FER: variants seen among roughly 807,000 people sequenced by gnomAD.
FER encodes the protein FER tyrosine kinase.
Under a neutral mutation model 111.0 loss-of-function variants are expected in FER, and 63 were observed. The observed-to-expected ratio is 0.57, with a 90% CI of 0.46 to 0.70. FER has a LOEUF of 0.70. Ranked by LOEUF, FER falls within the 30% of genes least tolerant of loss-of-function variation. The pLI is 0.00. For synonymous variants in FER, 327 were observed against 313.9 expected, an observed-to-expected ratio of 1.04 and a Z score of -0.44; for missense variants, 914 against 954.0, an observed-to-expected ratio of 0.96 and a Z score of 0.55.
At chr5:108,798,074 A>T in intron 2 of FER, 50 bp from the exon 3 acceptor site, 1 of 653,852 alleles carries the variant, frequency 1.5e-6, no homozygotes, top group Non-Finnish European at 2.4e-6. Context: ...TTTTTTGAAG[A>T]CTAATTTCCT....
chr5:108,823,695 T>C (rs949462671), intron 3 of FER, among the ~76,000 whole-genome samples: 2 of 152,192 alleles, frequency 1.3e-5, no homozygotes, highest in Non-Finnish European at 2.9e-5. Context: ...TTATTAGATA[T>C]ATAATTTGCA....
intron 16 of FER, among the ~76,000 whole-genome samples, chr5:109,080,050 C>A (rs1218027196): frequency 6.6e-6 from 1 of 151,812 alleles, no homozygotes; most frequent in Non-Finnish European, 1.5e-5. Context: ...CATTTTTCCT[C>A]CCATGGTTAA....
At chr5:109,185,996 A>T (rs1006418155) in intron 18 of FER, among the ~76,000 whole-genome samples, 1 of 152,196 alleles carries the variant, frequency 6.6e-6, no homozygotes, top group African/African-American at 2.4e-5. Flanking sequence ...AATGTGTTAT[A>T]CTATGACATT....
intron 10 of FER, among the ~76,000 whole-genome samples, chr5:108,922,598 T>C (rs910471105): frequency 1.3e-5 from 2 of 152,196 alleles, no homozygotes; most frequent in African/African-American, 4.8e-5. Flanking sequence ...GCCTGGCACC[T>C]AATTAATGCT....
At chr5:109,065,922 T>C (rs1434722257) in intron 16 of FER, among the ~76,000 whole-genome samples, 1 of 152,146 alleles carries the variant, frequency 6.6e-6, no homozygotes, top group Non-Finnish European at 1.5e-5. Flanking sequence ...AAAGAGTAAA[T>C]TTGCCTAAAT....
intron 17 of FER, among the ~76,000 whole-genome samples, chr5:109,171,754 A>T (rs1757112284): frequency 6.6e-6 from 1 of 152,202 alleles, no homozygotes; most frequent in Admixed American, 6.6e-5. Flanking sequence ...TGCCATCAAT[A>T]CTGAGACTAA....
At position 108,884,570 on chromosome 5, in the gene FER, T is replaced by G. The variant is rs1038380326; in HGVS notation, c.1046+1052T>G. On this transcript the variant is annotated intron_variant, in intron 9 of 19. Transcript: ENST00000281092. ...TTTCTCGTCTCTACTTTCTCAGATT[T>G]TACATAATTTATGTATTATGTTCAC... 2.0e-5 allele frequency among the ~76,000 whole-genome samples: 3 copies of G among 151,684 alleles called. No homozygotes were observed. The Admixed American group carries it at 2.0e-4, about 10-fold the overall frequency.
At chr5:109,102,451 A>G (rs1190132857) in intron 17 of FER, among the ~76,000 whole-genome samples, 1 of 152,150 alleles carries the variant, frequency 6.6e-6, no homozygotes, top group Non-Finnish European at 1.5e-5. Context: ...AATTCTAGGA[A>G]CAGCCATAAA....
intron 5 of FER, among the ~76,000 whole-genome samples, chr5:108,845,274 C>T (rs1314174195): frequency 6.0e-5 from 9 of 150,968 alleles, no homozygotes; most frequent in East Asian, 2.0e-4. Flanking sequence ...CAGGTTCAGG[C>T]GATTCTCCTG....
chr5:108,814,671 C>T (rs1007693293), intron 3 of FER, among the ~76,000 whole-genome samples: 2 of 152,140 alleles, frequency 1.3e-5, no homozygotes, highest in Non-Finnish European at 2.9e-5. Context: ...TCAATCTGTT[C>T]CCTTAACCAT....
Position 109,115,279 on chromosome 5 carries a change from A to T in FER, c.2048+14760A>T, listed in dbSNP as rs2126443577. On this transcript the variant is annotated intron_variant, in intron 17 of 19. Coordinates refer to ENST00000281092, the MANE Select transcript of FER (RefSeq NM_005246.4). Reference sequence around the variant, plus strand: ...ACTATAGTAGTGATAGGAAAAAGATATAAAATTAAAGACTATTTAGGAAGT... The same window carrying T: ...ACTATAGTAGTGATAGGAAAAAGATTTAAAATTAAAGACTATTTAGGAAGT... 2.0e-5 allele frequency among the ~76,000 whole-genome samples: 3 copies of T among 152,246 alleles called. No homozygotes were observed. In the South Asian group the frequency reaches 6.2e-4, roughly 32 times the overall value.
chr5:109,083,486 C>T (rs894789788), intron 16 of FER, among the ~76,000 whole-genome samples: 1 of 151,938 alleles, frequency 6.6e-6, no homozygotes, highest in Non-Finnish European at 1.5e-5. Flanking sequence ...CCATTTTAAC[C>T]CAAAGATTGT....
chr5:109,153,138 A>G (rs1274909672), intron 17 of FER, among the ~76,000 whole-genome samples: 1 of 151,792 alleles, frequency 6.6e-6, no homozygotes, highest in Non-Finnish European at 1.5e-5. Flanking sequence ...TGATCTCATG[A>G]AGCAGAGAAA....
At chr5:108,960,904 T>C (rs944349199) in intron 13 of FER, among the ~76,000 whole-genome samples, 1 of 152,116 alleles carries the variant, frequency 6.6e-6, no homozygotes, top group Admixed American at 6.6e-5. Context: ...CACTCTAGGT[T>C]ACAATTAAGT....
At chr5:109,083,408 A>T (rs1777210014) in intron 16 of FER, among the ~76,000 whole-genome samples, 1 of 152,004 alleles carries the variant, frequency 6.6e-6, no homozygotes, top group Non-Finnish European at 1.5e-5. Context: ...TTAAATCAAT[A>T]TTCCATGGCT....
intron 10 of FER, among the ~76,000 whole-genome samples, chr5:108,908,024 A>G (rs1047135835): frequency 6.6e-6 from 1 of 152,208 alleles, no homozygotes; most frequent in Admixed American, 6.5e-5. Flanking sequence ...ATTTTAGTTT[A>G]TTGAGAACAA....
intron 12 of FER, among the ~76,000 whole-genome samples, chr5:108,956,681 C>T (rs1561675771): frequency 6.6e-6 from 1 of 151,580 alleles, no homozygotes; most frequent in South Asian, 2.1e-4. Flanking sequence ...CTAAATGCCT[C>T]AGGTTTTCTG....
intron 16 of FER, among the ~76,000 whole-genome samples, chr5:109,099,454 T>G (rs940105759): frequency 1.3e-5 from 2 of 151,602 alleles, no homozygotes; most frequent in African/African-American, 4.8e-5. Flanking sequence ...AATCTACTTT[T>G]CAGCTGTAAA....
intron 10 of FER, among the ~76,000 whole-genome samples, chr5:108,924,083 C>T (rs1753396494): frequency 7.3e-6 from 1 of 136,598 alleles, no homozygotes. Context: ...AGGCCAGGTG[C>T]AGTAAGCTCA....
Sources: gnomAD v4.1 joint callset for allele counts (sites outside exome capture counted in the v4.1 genomes callset) on GRCh38, gnomAD v4.1.1 for gene constraint, MANE v1.5 for transcripts, NCBI Gene and HGNC (gene_info 2026-07-23, HGNC 2026-07-21) for gene names.